Variants in TBC1D30 observed in about 807,000 individuals in gnomAD.
The protein encoded by TBC1D30 is TBC1 domain family, member 30.
TBC1D30 carries 31 observed loss-of-function variants against 63.2 expected under a neutral mutation model. The observed-to-expected ratio is 0.49, with a 90% CI of 0.37 to 0.66. TBC1D30 has a LOEUF of 0.66. Among genes scored for constraint, TBC1D30 ranks in the 30% least tolerant of loss-of-function variants. TBC1D30 has a pLI of 0.00. For missense variants in TBC1D30, 810 were observed against 953.6 expected, an observed-to-expected ratio of 0.85 and a Z score of 1.98; for synonymous variants, 307 against 361.5, an observed-to-expected ratio of 0.85 and a Z score of 1.71.
chr12:64,773,424 A>G (rs1870975309), intron 1 of TBC1D30, among the ~76,000 whole-genome samples: 1 of 152,014 alleles, frequency 6.6e-6, no homozygotes, highest in African/African-American at 2.4e-5. Context: ...GGTGTTGAAG[A>G]GCCCAAGCCA....
intron 2 of TBC1D30, among the ~76,000 whole-genome samples, chr12:64,799,805 G>A (rs537372817): frequency 6.6e-5 from 10 of 152,274 alleles, no homozygotes; most frequent in Admixed American, 2.6e-4. Flanking sequence ...GGGGAAGTGC[G>A]ATTAGAAAAG....
intron 8 of TBC1D30, among the ~76,000 whole-genome samples, chr12:64,850,005 T>G (rs111638919): frequency 0.022 from 3,277 of 152,284 alleles, 131 homozygotes; most frequent in African/African-American, 0.074. Flanking sequence ...GTAAGTTGTA[T>G]TTCTAGGTAT....
intron 10 of TBC1D30, among the ~76,000 whole-genome samples, chr12:64,869,208 CT>C (rs1565689969): frequency 1.3e-5 from 2 of 152,186 alleles, no homozygotes; most frequent in East Asian, 1.9e-4. Context: ...TCTGTGTTCT[CT>C]TTGCCATCTG....
At chr12:64,857,083 A>G (rs911537001) in intron 8 of TBC1D30, among the ~76,000 whole-genome samples, 4 of 151,204 alleles carry the variant, frequency 2.6e-5, no homozygotes, top group Admixed American at 2.6e-4. Context: ...TTGTTGCTCT[A>G]CTCTACTGTG....
chr12:64,787,152 C>T (rs61932700), intron 2 of TBC1D30, among the ~76,000 whole-genome samples: 13,771 of 152,106 alleles, frequency 0.091, 932 homozygotes, highest in East Asian at 0.3. Flanking sequence ...CAAATGTAAC[C>T]TATCTCTTGC....
intron 2 of TBC1D30, among the ~76,000 whole-genome samples, chr12:64,793,522 T>C (rs1592551387): frequency 6.7e-6 from 1 of 148,226 alleles, no homozygotes; most frequent in Non-Finnish European, 1.5e-5. Context: ...TAGCTGGGCG[T>C]GGTGGCACGC....
At chr12:64,777,644 G>A (rs1212866959), upstream of TBC1D30, among the ~76,000 whole-genome samples, 1 of 152,200 alleles carries the variant, frequency 6.6e-6, no homozygotes, top group African/African-American at 2.4e-5. Flanking sequence ...CATGCTCATG[G>A]ATAGGAAGAA....
chr12:64,862,821 C>A (rs1465895137), intron 8 of TBC1D30, among the ~76,000 whole-genome samples: 1 of 152,122 alleles, frequency 6.6e-6, no homozygotes, highest in Non-Finnish European at 1.5e-5. Context: ...AAAAAAATTA[C>A]ATGAATGAGG....
At chr12:64,864,108 CT>C (rs557804406) in intron 8 of TBC1D30, among the ~76,000 whole-genome samples, 331 of 146,032 alleles carry the variant, frequency 2.3e-3, no homozygotes, top group Admixed American at 4.6e-3. Flanking sequence ...TTTTTCTTGT[CT>C]TTTTTTTTTT....
At chr12:64,788,633 A>C (rs1164571389) in intron 2 of TBC1D30, among the ~76,000 whole-genome samples, 1 of 152,206 alleles carries the variant, frequency 6.6e-6, no homozygotes, top group Admixed American at 6.5e-5. Flanking sequence ...AAATGTGCCC[A>C]CAAGCGCTCA....
chr12:64,761,208 A>G (rs1470790616), intron 1 of TBC1D30, among the ~76,000 whole-genome samples: 1 of 152,250 alleles, frequency 6.6e-6, no homozygotes, highest in Admixed American at 6.5e-5. Flanking sequence ...TGCACAAAAA[A>G]ATAACCTATT....
intron 2 of TBC1D30, among the ~76,000 whole-genome samples, chr12:64,799,991 A>T (rs1180694269): frequency 6.6e-6 from 1 of 152,172 alleles, no homozygotes; most frequent in East Asian, 1.9e-4. Context: ...CTGTAATCTC[A>T]GCTACTTGGG....
At chr12:64,836,239 T>C (rs1875338302) in intron 5 of TBC1D30, among the ~76,000 whole-genome samples, 1 of 152,218 alleles carries the variant, frequency 6.6e-6, no homozygotes, top group African/African-American at 2.4e-5. Context: ...AACTCAGGTC[T>C]AGCAACCCAT....
intron 2 of TBC1D30, among the ~76,000 whole-genome samples, chr12:64,800,859 T>C (rs1055324635): frequency 2.0e-5 from 3 of 152,172 alleles, no homozygotes; most frequent in Admixed American, 2.0e-4. Context: ...TTTTCCCTTT[T>C]AAAAATGATG....
intron 6 of TBC1D30, 62 bp from the exon 7 acceptor site, chr12:64,838,621 G>C: frequency 6.8e-7 from 1 of 1,476,984 alleles, no homozygotes; most frequent in South Asian, 1.2e-5. Context: ...CTAGAAAAGG[G>C]TATCTGCATA....
At chr12:64,810,051 T>A (rs1203030129) in intron 2 of TBC1D30, among the ~76,000 whole-genome samples, 4 of 152,150 alleles carry the variant, frequency 2.6e-5, no homozygotes, top group Admixed American at 6.6e-5. Flanking sequence ...CCCTCCTTTC[T>A]TAACCCCTCG....
intron 8 of TBC1D30, among the ~76,000 whole-genome samples, chr12:64,857,594 G>A (rs1877418616): frequency 6.6e-6 from 1 of 152,168 alleles, no homozygotes; most frequent in Admixed American, 6.5e-5. Flanking sequence ...AGCCAAACCA[G>A]CTTGTGTCTC....
chr12:64,811,214 GA>G (rs1421568287), intron 2 of TBC1D30, among the ~76,000 whole-genome samples: 2 of 152,186 alleles, frequency 1.3e-5, no homozygotes, highest in South Asian at 4.1e-4. Context: ...TATAGTGCAA[GA>G]TTTTTAAAGC....
At chr12:64,772,237 CAA>C (rs747871090) in intron 1 of TBC1D30, among the ~76,000 whole-genome samples, 27 of 49,308 alleles carry the variant, frequency 5.5e-4, no homozygotes, top group African/African-American at 7.9e-4. Flanking sequence ...AACTCTGTCT[CAA>C]AAAAAAAAAA....
Sources: allele counts gnomAD v4.1 joint callset (sites outside exome capture counted in the v4.1 genomes callset), GRCh38; gene constraint gnomAD v4.1.1; transcripts MANE v1.5; gene names NCBI Gene and HGNC (gene_info 2026-07-23, HGNC 2026-07-21).